STIM1: variants seen among roughly 807,000 people sequenced by gnomAD.
STIM1 encodes stromal interaction molecule 1.
STIM1 carries 25 observed loss-of-function variants against 74.7 expected under a neutral mutation model. The observed-to-expected ratio is 0.33, with a 90% CI of 0.24 to 0.47. STIM1 has a LOEUF of 0.47. Ranked by LOEUF, STIM1 falls within the 20% of genes least tolerant of loss-of-function variation. STIM1 has a pLI of 1.00. For synonymous variants in STIM1, 328 were observed against 348.8 expected (o/e 0.94, Z 0.66); for missense variants, 728 against 920.8 (o/e 0.79, Z 2.71).
At chr11:4,045,564 C>G (rs2094184750) in intron 3 of STIM1, among the ~76,000 whole-genome samples, 6 of 151,918 alleles carry the variant, frequency 3.9e-5, no homozygotes, top group Admixed American at 3.9e-4. Context: ...ATCCTCCCAC[C>G]TCAGCCTCCT....
At chr11:3,910,818 TAAAA>T (rs1172492077) in intron 1 of STIM1, among the ~76,000 whole-genome samples, 1 of 126,530 alleles carries the variant, frequency 7.9e-6, no homozygotes, top group Non-Finnish European at 1.7e-5. Context: ...CTGTCTCTAC[TAAAA>T]AAAAAAAAAA....
At chr11:4,037,006 T>C (rs1360576503) in intron 3 of STIM1, among the ~76,000 whole-genome samples, 1 of 152,166 alleles carries the variant, frequency 6.6e-6, no homozygotes, top group Non-Finnish European at 1.5e-5. Context: ...TACATATCTT[T>C]ATCAATTTTC....
intron 3 of STIM1, among the ~76,000 whole-genome samples, chr11:4,040,848 G>A (rs937081576): frequency 2.0e-5 from 3 of 152,174 alleles, no homozygotes; most frequent in Non-Finnish European, 2.9e-5. Context: ...GTCCTGTTGG[G>A]CCCTGGGAGA....
chr11:3,868,269 T>C (rs2090943932), intron 1 of STIM1: 1 of 152,220 alleles, frequency 6.6e-6, no homozygotes, highest in Non-Finnish European at 1.5e-5. Flanking sequence ...TGAAATAACT[T>C]CGATGGTAAG....
intron 1 of STIM1, among the ~76,000 whole-genome samples, chr11:3,897,977 G>A (rs913364671): frequency 7.9e-5 from 12 of 152,240 alleles, no homozygotes; most frequent in African/African-American, 2.6e-4. Flanking sequence ...ATAAACATAC[G>A]TGTGCATGTG....
At chr11:3,985,980 A>G (rs2093554435) in intron 2 of STIM1, among the ~76,000 whole-genome samples, 1 of 152,130 alleles carries the variant, frequency 6.6e-6, no homozygotes, top group South Asian at 2.1e-4. Context: ...CCTCACTTAT[A>G]AATACCTCCT....
intron 1 of STIM1, among the ~76,000 whole-genome samples, chr11:3,895,048 C>T (rs980224610): frequency 3.9e-5 from 6 of 152,182 alleles, no homozygotes; most frequent in Admixed American, 6.5e-5. Context: ...CGCGCCCGGC[C>T]GACCCTGTTC....
chr11:4,007,557 G>C (rs1445594906), intron 2 of STIM1, among the ~76,000 whole-genome samples: 5 of 152,120 alleles, frequency 3.3e-5, no homozygotes. Context: ...GGTTTGGCAG[G>C]GGAGATAGAC....
At chr11:3,856,868 T>A (rs1363786536) in intron 1 of STIM1, among the ~76,000 whole-genome samples, 2 of 152,150 alleles carry the variant, frequency 1.3e-5, no homozygotes, top group Non-Finnish European at 2.9e-5. Context: ...TGTTCAGGTG[T>A]GCCTATTCCA....
At chr11:3,865,485 C>A (rs1165386869) in intron 1 of STIM1, among the ~76,000 whole-genome samples, 1 of 152,186 alleles carries the variant, frequency 6.6e-6, no homozygotes, top group Non-Finnish European at 1.5e-5. Context: ...TAGGGATATA[C>A]AAAGTCAAAT....
At chr11:3,960,893 C>T (rs956648828) in intron 1 of STIM1, among the ~76,000 whole-genome samples, 2 of 151,950 alleles carry the variant, frequency 1.3e-5, no homozygotes, top group African/African-American at 4.8e-5. Flanking sequence ...AATTATTTTC[C>T]ATAAAAATAT....
chr11:4,070,936 C>T (rs2094399639), intron 6 of STIM1, among the ~76,000 whole-genome samples: 1 of 152,146 alleles, frequency 6.6e-6, no homozygotes, highest in Non-Finnish European at 1.5e-5. Context: ...ACTTACACAC[C>T]CACAAGAAGC....
chr11:4,066,687 G>GA (rs1032045420), intron 5 of STIM1, among the ~76,000 whole-genome samples: 7 of 150,044 alleles, frequency 4.7e-5, no homozygotes, highest in Non-Finnish European at 7.4e-5. Context: ...CTCTAAAAAA[G>GA]AAAAAAAAAG....
intron 1 of STIM1, among the ~76,000 whole-genome samples, chr11:3,946,808 G>T (rs538805916): frequency 6.6e-6 from 1 of 152,214 alleles, no homozygotes; most frequent in Admixed American, 6.5e-5. Flanking sequence ...GGGAAGCACA[G>T]TGGCCCATGA....
In STIM1 at chr11:3,954,482, G is replaced by T. The variant is rs376567606; in HGVS notation, c.140-13070G>T. Among the ~76,000 whole-genome samples, 5 of 152,302 alleles carry T rather than the reference G, an allele frequency of 3.3e-5. No homozygotes were observed. In the East Asian group the frequency reaches 9.6e-4, roughly 29 times the overall value. On this transcript the variant is annotated intron_variant, in intron 1 of 12. Coordinates refer to ENST00000526596, the MANE Select transcript of STIM1 (RefSeq NM_001382567.1). ...CCACTATGGAGCTTTCAATTTAGTGGAGAAGATAGACATTGAGCAAATTAT... is the reference window on the plus strand; with the variant it reads ...CCACTATGGAGCTTTCAATTTAGTGTAGAAGATAGACATTGAGCAAATTAT...
chr11:4,087,352 T>A (rs2094499893), intron 12 of STIM1, among the ~76,000 whole-genome samples: 1 of 152,192 alleles, frequency 6.6e-6, no homozygotes, highest in Non-Finnish European at 1.5e-5. Context: ...ACTAACAGTG[T>A]GTACCTGGGT....
chr11:3,882,764 T>C (rs1450868900), intron 1 of STIM1, among the ~76,000 whole-genome samples: 2 of 152,234 alleles, frequency 1.3e-5, no homozygotes, highest in African/African-American at 4.8e-5. Flanking sequence ...TTTTTACTTA[T>C]ACCAGCAATG....
chr11:3,940,390 G>A (rs1318224657), intron 1 of STIM1, among the ~76,000 whole-genome samples: 1 of 152,142 alleles, frequency 6.6e-6, no homozygotes, highest in Non-Finnish European at 1.5e-5. Context: ...TTAAATGTGG[G>A]GAATAGATCA....
At chr11:4,001,446 A>G (rs1247378841) in intron 2 of STIM1, among the ~76,000 whole-genome samples, 3 of 152,176 alleles carry the variant, frequency 2.0e-5, no homozygotes, top group Non-Finnish European at 4.4e-5. Flanking sequence ...ATTCTTAAAG[A>G]AAAGAATTTT....
Sources: allele counts gnomAD v4.1 joint callset (sites outside exome capture counted in the v4.1 genomes callset), GRCh38; gene constraint gnomAD v4.1.1; transcripts MANE v1.5; gene names NCBI Gene and HGNC (gene_info 2026-07-23, HGNC 2026-07-21).